The following HTT variants were observed in gnomAD, a reference collection of about 807,000 sequenced individuals.
HTT encodes the protein huntingtin, also known as huntington disease protein.
A neutral mutation model predicts 362.3 loss-of-function variants in HTT; 104 were observed. The ratio of observed to expected loss-of-function variants is 0.29; its 90% CI spans 0.24 to 0.34. The LOEUF is 0.34. Ranked by LOEUF, HTT falls within the 10% of genes least tolerant of loss-of-function variation. The pLI is 1.00. For missense variants in HTT, 3,301 were observed against 3,928.6 expected (o/e 0.84, Z 4.27); for synonymous variants, 1,577 against 1,548.7 (o/e 1.02, Z -0.43).
chr4:3,147,961 C>A, intron 25 of HTT, 44 bp from the exon 26 acceptor site: 1 of 1,483,222 alleles, frequency 6.7e-7, no homozygotes, highest in South Asian at 1.2e-5. Context: ...TTGTCCTTCC[C>A]ATGCTATTGG....
chr4:3,206,160 GC>G lies in HTT; in HGVS notation c.5719-332del, dbSNP rs1319783187. On this transcript the variant is annotated intron_variant, in intron 42 of 66. Coordinates refer to ENST00000355072, the MANE Select transcript of HTT (RefSeq NM_001388492.1). This position sits in a 1 kb window ranked among gnomAD's most constrained non-coding sequence, Gnocchi z 4.6. ...GATGGGGTCATCCCAGCGCAACGCT[GC>G]CCCTGCTACCTGCGGATCTCGCTGA... Among the ~76,000 whole-genome samples, 3 of 152,232 alleles carry G rather than the reference GC, an allele frequency of 2.0e-5. No individual in the cohort carries two copies. The highest frequency in any genetic ancestry group is 4.8e-5 in the African/African-American group (2 of 41,460).
chr4:3,112,571 A>G (rs537413176), intron 6 of HTT, among the ~76,000 whole-genome samples: 28 of 152,294 alleles, frequency 1.8e-4, no homozygotes, highest in African/African-American at 6.5e-4. Context: ...AGAGTCTTCT[A>G]TATTATCGTG....
At chr4:3,105,209 TTAAAG>T (rs1160575250) in intron 4 of HTT, 143 bp from the exon 5 acceptor site, 2 of 616,312 alleles carry the variant, frequency 3.2e-6, no homozygotes, top group African/African-American at 3.7e-5. Context: ...CCACTAGACC[TTAAAG>T]TAGTTACCAG....
At chr4:3,153,866 A>G (rs1717018808) in intron 26 of HTT, among the ~76,000 whole-genome samples, 1 of 152,088 alleles carries the variant, frequency 6.6e-6, no homozygotes. Context: ...TGAGGCTACA[A>G]TGAAATATGA....
chr4:3,167,190 G>A lies in HTT; in HGVS notation c.3865-5130G>A, dbSNP rs141944600. On this transcript the variant is annotated intron_variant, in intron 29 of 66. Coordinates refer to ENST00000355072, the MANE Select transcript of HTT (RefSeq NM_001388492.1). The stretch of plus-strand genomic sequence containing the variant: ...GGTTTCAAGCGATTCTCCTACCTCA[G>A]CCTCCGGAGTAGCTGGGATTACAGG... 3.3e-5 allele frequency among the ~76,000 whole-genome samples: 5 copies of A among 152,332 alleles called. No individual in the cohort carries two copies. The East Asian group carries it at 9.7e-4, about 29-fold the overall frequency.
chr4:3,141,820 A>T (rs976206974), intron 22 of HTT, among the ~76,000 whole-genome samples: 1 of 152,148 alleles, frequency 6.6e-6, no homozygotes, highest in Non-Finnish European at 1.5e-5. Context: ...GGCCACCTTA[A>T]TATTTCCCCT....
In HTT at chr4:3,127,607, A is replaced by G. The variant is rs1426229558; in HGVS notation, c.1743+3A>G. The G allele has an allele frequency of 6.3e-7, 1 of 1,597,942 alleles. No homozygotes were observed. Among genetic ancestry groups the G allele is most frequent in the Admixed American group, 1.7e-5 (1 of 59,502 alleles). ...CCCCTTCAGACAGTTCTGAAATTGT[A>G]AGTGGGCAGAGGGGCCTGACATCTT... On this transcript the variant is annotated splice_donor_region_variant and intron_variant, in intron 12 of 66. Transcript: ENST00000355072.
In HTT at chr4:3,120,754, C is replaced by G. The variant is rs147978988; in HGVS notation, c.1069-474C>G. On this transcript the variant is annotated intron_variant, in intron 8 of 66. Transcript: ENST00000355072. The stretch of plus-strand genomic sequence containing the variant: ...GTGGAAAAATTGTCTCCCATGAAAC[C>G]AGTCTCTGGTGCCAGAAAGGTTGGG... Among the ~76,000 whole-genome samples, 686 of 152,316 alleles carry G rather than the reference C, an allele frequency of 4.5e-3. 2 individuals are homozygous for G. Among genetic ancestry groups the G allele is most frequent in the Non-Finnish European group, 7.3e-3 (498 of 68,030 alleles).
intron 1 of HTT, among the ~76,000 whole-genome samples, chr4:3,086,607 G>A (rs1442604162): frequency 6.6e-6 from 1 of 152,182 alleles, no homozygotes; most frequent in Non-Finnish European, 1.5e-5. Flanking sequence ...GGAGTTTAAG[G>A]CTAAAGTGAG....
intron 4 of HTT, 59 bp downstream of exon 4, chr4:3,103,942 G>A (rs911603053): frequency 8.4e-6 from 8 of 954,492 alleles, no homozygotes; most frequent in Non-Finnish European, 5.0e-6. Context: ...ATAGGTACAC[G>A]TATTTTGTAG....
chr4:3,086,976 A>G lies in HTT; in HGVS notation c.301A>G (p.Asn101Asp). The change falls in exon 2 of 67, where the codon AAT becomes GAT. Residue 101 changes from asparagine (N) to aspartate (D), a missense_variant. By Grantham distance (23) the Asn-to-Asp change is conservative. Transcript: ENST00000355072. Reference protein sequence around the residue: ...ELSATKKDRVNHCLTICENIV... With the variant: ...ELSATKKDRVDHCLTICENIV... ...TTCAGCTACCAAGAAAGACCGTGTG[A>G]ATCATTGTCTGACAATATGTGAAAA... 1 of 1,608,776 alleles carries G rather than the reference A, an allele frequency of 6.2e-7. No individual in the cohort carries two copies. The highest frequency in any genetic ancestry group is 1.7e-4 in the Middle Eastern group (1 of 6,056).
chr4:3,085,158 G>A (rs1041799774), intron 1 of HTT, among the ~76,000 whole-genome samples: 2 of 143,502 alleles, frequency 1.4e-5, no homozygotes, highest in African/African-American at 5.2e-5. Flanking sequence ...TTTTTTTTTT[G>A]AGACAGTCTG....
intron 40 of HTT, among the ~76,000 whole-genome samples, chr4:3,190,311 C>T (rs1718956000): frequency 6.6e-6 from 1 of 150,962 alleles, no homozygotes; most frequent in Non-Finnish European, 1.5e-5. Context: ...TGCACTCCAG[C>T]CTGGGCTACA....
At chr4:3,215,030 T>C in intron 50 of HTT, 80 bp from the exon 51 acceptor site, 1 of 1,170,568 alleles carries the variant, frequency 8.5e-7, no homozygotes, top group Admixed American at 2.1e-5. Context: ...TTTGTGAGGC[T>C]GCACAAATGT....
chr4:3,125,403 G>C lies in HTT; in HGVS notation c.1322-146G>C, dbSNP rs141306490. 1.5e-4 allele frequency: 82 copies of C among 553,020 alleles called. 1 individual carries two copies. The East Asian group carries it at 2.4e-3, about 16-fold the overall frequency. The allele number at this position is 553,020 out of a possible 1,614,324, so 34.3% of individuals were successfully genotyped here. ...TACATTCTTTGTGTTTAATACTGTG[G>C]AGGTATAAAAATACTTATATATGAT... On this transcript the variant is annotated intron_variant, in intron 10 of 66. Transcript: ENST00000355072.
At position 3,231,804 on chromosome 4, in the gene HTT, A is replaced by G. The variant is rs112285845; in HGVS notation, c.8266-1359A>G. On this transcript the variant is annotated intron_variant, in intron 60 of 66. Transcript: ENST00000355072. The stretch of plus-strand genomic sequence containing the variant: ...AGTTTCAGCTGCTGGGCTAACTTGA[A>G]TTGTAACTGTGGTTTTGTGCTCAGG... Among the ~76,000 whole-genome samples, 401 of 152,232 alleles carry G rather than the reference A, an allele frequency of 2.6e-3. 1 individual carries two copies. The highest frequency in any genetic ancestry group is 9.1e-3 in the African/African-American group (379 of 41,524).
chr4:3,142,023 A>G (rs897001466), intron 22 of HTT, among the ~76,000 whole-genome samples: 10 of 152,224 alleles, frequency 6.6e-5, no homozygotes, highest in African/African-American at 2.4e-4. Flanking sequence ...ATGCCAACTG[A>G]GATATCATTA....
intron 57 of HTT, among the ~76,000 whole-genome samples, chr4:3,226,687 G>A (rs1720935221): frequency 6.6e-6 from 1 of 152,222 alleles, no homozygotes; most frequent in South Asian, 2.1e-4. Flanking sequence ...CTGTGGAAAT[G>A]GGTCAGAATA....
rs535712448 is a variant in HTT, at chr4:3,210,033, A to G, written c.6414+84A>G. ...GATTTGTCTCATCATCATGTGACCC[A>G]CTTGTTGACAACACATGTTGGGGAC... On this transcript the variant is annotated intron_variant, in intron 47 of 66. Transcript: ENST00000355072. The G allele has an allele frequency of 1.6e-4, 251 of 1,529,160 alleles. 2 individuals are homozygous for G. In the South Asian group the frequency reaches 2.1e-3, roughly 13 times the overall value. The allele number at this position is 1,529,160 out of a possible 1,614,324, so 94.7% of individuals were successfully genotyped here. A position where few individuals can be genotyped will look rare whatever the true frequency, so the allele number is the denominator to read the frequency against.
Sources: allele counts gnomAD v4.1 joint callset (sites outside exome capture counted in the v4.1 genomes callset), GRCh38; gene constraint gnomAD v4.1.1; non-coding constraint Gnocchi (gnomAD v3.1); transcripts MANE v1.5; gene names NCBI Gene and HGNC (gene_info 2026-07-23, HGNC 2026-07-21).